The following ZNF654 variants were observed in gnomAD, a reference collection of about 807,000 sequenced individuals.
ZNF654 encodes zinc finger protein 654.
A neutral mutation model predicts 95.3 loss-of-function variants in ZNF654; 19 were observed. That is an observed-to-expected ratio of 0.20 (90% confidence interval 0.14 to 0.29). ZNF654 has a LOEUF of 0.29. ZNF654 is among the 10% of genes least tolerant of loss of function. The probability of loss-of-function intolerance (pLI) is 1.00; values close to 1 mark genes in which losing one functional copy is unlikely to be tolerated. For missense variants in ZNF654, 1,046 were observed against 1,341.0 expected, an observed-to-expected ratio of 0.78 and a Z score of 3.44; for synonymous variants, 413 against 457.9, an observed-to-expected ratio of 0.90 and a Z score of 1.25.
intron 1 of ZNF654, among the ~76,000 whole-genome samples, chr3:88,064,587 T>G (rs931677343): frequency 4.6e-5 from 7 of 152,188 alleles, no homozygotes; most frequent in African/African-American, 1.4e-4. Context: ...TGGGGTTGAT[T>G]CAAGCACACA....
chr3:88,109,294 T>A (rs1367918371), intron 2 of ZNF654, among the ~76,000 whole-genome samples: 2 of 152,104 alleles, frequency 1.3e-5, no homozygotes, highest in Non-Finnish European at 2.9e-5. Context: ...CACAATCAAA[T>A]GCTCTTTGTT....
intron 3 of ZNF654, among the ~76,000 whole-genome samples, chr3:88,122,909 G>C (rs1345777131): frequency 6.6e-6 from 1 of 151,288 alleles, no homozygotes; most frequent in African/African-American, 2.4e-5. Context: ...ACTCAGGAGG[G>C]TGAGGCAGGA....
At chr3:88,083,966 T>G (rs5024148) in intron 1 of ZNF654, among the ~76,000 whole-genome samples, 118,834 of 150,258 alleles carry the variant, frequency 0.79, 48,004 homozygotes, top group South Asian at 0.91. Flanking sequence ...TATATATATA[T>G]AGAAAATATT....
chr3:88,138,848 T>C lies in ZNF654; in HGVS notation c.1179T>C (p.Ile393=). 8.1e-7 allele frequency: 1 copy of C among 1,232,074 alleles called. No individual in the cohort carries two copies. Among genetic ancestry groups the C allele is most frequent in the Non-Finnish European group, 1.0e-6 (1 of 987,928 alleles). 76.3% of individuals were successfully genotyped at this position (1,232,074 alleles called of 1,614,324 possible). A position where few individuals can be genotyped will look rare whatever the true frequency, so the allele number is the denominator to read the frequency against. The change falls in exon 8 of 9, where the codon ATT becomes ATC. Residue 393 remains isoleucine (I), a synonymous_variant. Coordinates refer to ENST00000636215, the MANE Select transcript of ZNF654 (RefSeq NM_001350134.2). ...CAAATGATTTGGAGATCCTCAGGAT[T>C]TGTGCACTCTCAATATTTTTTCTGG... The part of the protein sequence containing the change: ...FLPNDLEILR[I]CALSIFFLER...
intron 1 of ZNF654, among the ~76,000 whole-genome samples, chr3:88,081,850 C>T (rs1425138752): frequency 1.3e-5 from 2 of 152,090 alleles, no homozygotes; most frequent in Non-Finnish European, 2.9e-5. Context: ...TTTACTGTTG[C>T]TGTAGAGTCA....
At chr3:88,117,493 C>T (rs1705482772) in intron 3 of ZNF654, among the ~76,000 whole-genome samples, 1 of 151,992 alleles carries the variant, frequency 6.6e-6, no homozygotes, top group Non-Finnish European at 1.5e-5. Context: ...AGTCTAAATA[C>T]TTGGAAACAA....
chr3:88,097,591 T>A (rs6786788), intron 2 of ZNF654, among the ~76,000 whole-genome samples: 13 of 151,924 alleles, frequency 8.6e-5, no homozygotes, highest in Admixed American at 6.6e-4. Flanking sequence ...AGTAAAACAC[T>A]CCTCAGCAAA....
chr3:88,073,362 G>C (rs1292232477), intron 1 of ZNF654, among the ~76,000 whole-genome samples: 1 of 152,164 alleles, frequency 6.6e-6, no homozygotes, highest in Non-Finnish European at 1.5e-5. Context: ...TGGCTTAGGG[G>C]TTTGAATTCT....
At chr3:88,126,432 A>G (rs1298678671) in intron 4 of ZNF654, among the ~76,000 whole-genome samples, 163 bp downstream of exon 4, 2 of 152,136 alleles carry the variant, frequency 1.3e-5, no homozygotes, top group Non-Finnish European at 2.9e-5. Context: ...AACTGGCCCA[A>G]AGTGACTTCT....
chr3:88,130,617 A>ATTTTTTT (rs10674029), intron 6 of ZNF654, among the ~76,000 whole-genome samples: 2 of 129,194 alleles, frequency 1.5e-5, no homozygotes, highest in African/African-American at 2.9e-5. Context: ...TGCCCAGCTA[A>ATTTTTTT]TTTTTTTTTT....
At chr3:88,127,894 A>G (rs990640681) in intron 4 of ZNF654, among the ~76,000 whole-genome samples, 4 of 152,232 alleles carry the variant, frequency 2.6e-5, no homozygotes, top group Non-Finnish European at 4.4e-5. Context: ...TGCATTAACA[A>G]TACAAATCAG....
At chr3:88,096,735 A>G (rs968820953) in intron 2 of ZNF654, among the ~76,000 whole-genome samples, 2 of 152,086 alleles carry the variant, frequency 1.3e-5, no homozygotes, top group African/African-American at 2.4e-5. Flanking sequence ...TAGGTAATAC[A>G]TGTTCATGGT....
intron 2 of ZNF654, among the ~76,000 whole-genome samples, chr3:88,103,762 C>CTT (rs56210218): frequency 5.6e-4 from 47 of 83,342 alleles, no homozygotes; most frequent in African/African-American, 1.8e-3. Flanking sequence ...GATGTATTAA[C>CTT]TTTTTTTTTT....
At chr3:88,128,384 C>T (rs1392240365) in intron 4 of ZNF654, among the ~76,000 whole-genome samples, 1 of 151,934 alleles carries the variant, frequency 6.6e-6, no homozygotes, top group East Asian at 1.9e-4. Flanking sequence ...TGTGAACTAA[C>T]ATGGTTTTAA....
intron 2 of ZNF654, among the ~76,000 whole-genome samples, chr3:88,091,318 CACT>C (rs1380024642): frequency 6.6e-6 from 1 of 152,172 alleles, no homozygotes; most frequent in East Asian, 1.9e-4. Flanking sequence ...TAAATAATCA[CACT>C]ACAAGGAAAA....
intron 7 of ZNF654, among the ~76,000 whole-genome samples, chr3:88,138,357 A>G (rs1442516324): frequency 1.3e-5 from 2 of 152,140 alleles, no homozygotes; most frequent in African/African-American, 4.8e-5. Context: ...AGAATATGAG[A>G]TTTGTACCTA....
intron 6 of ZNF654, among the ~76,000 whole-genome samples, chr3:88,133,852 A>G (rs1330929064): frequency 6.6e-6 from 1 of 152,184 alleles, no homozygotes; most frequent in East Asian, 1.9e-4. Context: ...GAGCAAAAGT[A>G]TACTTGAAAT....
chr3:88,072,939 T>C (rs954689751), intron 1 of ZNF654, among the ~76,000 whole-genome samples: 7 of 151,080 alleles, frequency 4.6e-5, no homozygotes, highest in African/African-American at 1.7e-4. Context: ...TTTTAATGGA[T>C]GAAATAGGAT....
At chr3:88,091,843 C>T (rs2107680946) in intron 2 of ZNF654, among the ~76,000 whole-genome samples, 1 of 152,274 alleles carries the variant, frequency 6.6e-6, no homozygotes, top group Non-Finnish European at 1.5e-5. Context: ...GATTGTGAGG[C>T]CTCCTCAGCC....
Sources: allele counts gnomAD v4.1 joint callset (sites outside exome capture counted in the v4.1 genomes callset), GRCh38; gene constraint gnomAD v4.1.1; transcripts MANE v1.5; gene names NCBI Gene and HGNC (gene_info 2026-07-23, HGNC 2026-07-21).